The following ARHGAP15 variants were observed in gnomAD, a reference collection of about 807,000 sequenced individuals.
The protein encoded by ARHGAP15 is Rho GTPase activating protein 15.
In ARHGAP15, 51 loss-of-function variants were observed where a neutral mutation model predicts 63.7. That is an observed-to-expected ratio of 0.80 (90% confidence interval 0.64 to 1.01). The LOEUF is 1.01. Among genes scored for constraint, ARHGAP15 ranks in the 50% least tolerant of loss-of-function variants. The pLI, the probability that ARHGAP15 is intolerant of heterozygous loss-of-function variation, is 0.00. For missense variants in ARHGAP15, 560 were observed against 564.6 expected (o/e 0.99, Z 0.08); for synonymous variants, 191 against 193.8 (o/e 0.99, Z 0.12).
intron 2 of ARHGAP15, among the ~76,000 whole-genome samples, chr2:143,201,039 C>A (rs1692095084): frequency 6.6e-6 from 1 of 152,092 alleles, no homozygotes; most frequent in African/African-American, 2.4e-5. Flanking sequence ...TATTTGAGTT[C>A]TCTTCTGGGA....
chr2:143,420,132 G>A (rs1688857143), intron 6 of ARHGAP15, among the ~76,000 whole-genome samples: 4 of 152,080 alleles, frequency 2.6e-5, no homozygotes, highest in African/African-American at 7.2e-5. Context: ...CGGACAATGT[G>A]GGGAAATGCA....
At chr2:143,645,241 A>C (rs1352070041) in intron 12 of ARHGAP15, among the ~76,000 whole-genome samples, 1 of 152,080 alleles carries the variant, frequency 6.6e-6, no homozygotes, top group African/African-American at 2.4e-5. Context: ...AACTCCCTTG[A>C]TTCAAGAAAG....
chr2:143,306,499 C>T (rs890957207), intron 6 of ARHGAP15, among the ~76,000 whole-genome samples: 26 of 152,026 alleles, frequency 1.7e-4, no homozygotes, highest in Admixed American at 1.0e-3. Flanking sequence ...TAATAATAGA[C>T]CTCAGGTGCT....
intron 11 of ARHGAP15, among the ~76,000 whole-genome samples, chr2:143,614,089 A>C (rs551489528): frequency 3.3e-5 from 5 of 152,014 alleles, no homozygotes; most frequent in Admixed American, 2.6e-4. Flanking sequence ...TTCTAGTTGA[A>C]TTTTTCTTCA....
At chr2:143,165,960 GAGAAAGAAAGAAAGAA>G (rs778728158) in intron 2 of ARHGAP15, among the ~76,000 whole-genome samples, 2 of 93,648 alleles carry the variant, frequency 2.1e-5, no homozygotes, top group South Asian at 7.7e-4. Flanking sequence ...GAAAGAAAGA[GAGAAAGAAAGAAAGAA>G]AGAAAGAAAG....
chr2:143,452,422 C>G (rs1326012674), intron 8 of ARHGAP15, among the ~76,000 whole-genome samples: 1 of 151,838 alleles, frequency 6.6e-6, no homozygotes, highest in Non-Finnish European at 1.5e-5. Context: ...GGCCCTCCAA[C>G]CCGAAACATT....
intron 8 of ARHGAP15, among the ~76,000 whole-genome samples, chr2:143,438,826 T>C (rs1446270684): frequency 6.6e-6 from 1 of 152,182 alleles, no homozygotes; most frequent in Non-Finnish European, 1.5e-5. Flanking sequence ...CATTCTGTAG[T>C]ACATATAAAA....
chr2:143,546,260 A>T (rs916885176), intron 10 of ARHGAP15, among the ~76,000 whole-genome samples: 2 of 152,192 alleles, frequency 1.3e-5, no homozygotes, highest in Non-Finnish European at 2.9e-5. Flanking sequence ...ATACGGGTGG[A>T]GGGATTGAAA....
chr2:143,651,111 G>C (rs1214232108), intron 12 of ARHGAP15, among the ~76,000 whole-genome samples: 1 of 151,908 alleles, frequency 6.6e-6, no homozygotes, highest in East Asian at 1.9e-4. Flanking sequence ...GTCTTACCCA[G>C]AATAAAAATC....
chr2:143,409,891 G>T (rs1346083700), intron 6 of ARHGAP15, among the ~76,000 whole-genome samples: 2 of 152,062 alleles, frequency 1.3e-5, no homozygotes, highest in African/African-American at 4.8e-5. Context: ...TTGTGTAATG[G>T]TGCATTTCTC....
intron 13 of ARHGAP15, among the ~76,000 whole-genome samples, chr2:143,709,520 C>A (rs1223087784): frequency 6.6e-6 from 1 of 152,038 alleles, no homozygotes; most frequent in African/African-American, 2.4e-5. Flanking sequence ...AGGAAGTTGT[C>A]CAGCTGTTCA....
intron 6 of ARHGAP15, among the ~76,000 whole-genome samples, chr2:143,341,078 G>T (rs1685036987): frequency 6.6e-6 from 1 of 151,986 alleles, no homozygotes; most frequent in Non-Finnish European, 1.5e-5. Context: ...ATGCAGAGAA[G>T]TCCCTTCCTC....
chr2:143,214,668 G>A (rs1692681350), intron 3 of ARHGAP15, among the ~76,000 whole-genome samples: 1 of 152,142 alleles, frequency 6.6e-6, no homozygotes, highest in African/African-American at 2.4e-5. Flanking sequence ...ATGGAGATAA[G>A]TAAAAAACAC....
At chr2:143,501,112 G>A (rs1432134531) in intron 9 of ARHGAP15, among the ~76,000 whole-genome samples, 1 of 152,200 alleles carries the variant, frequency 6.6e-6, no homozygotes, top group Non-Finnish European at 1.5e-5. Flanking sequence ...AAGAGACTGA[G>A]AAATAAGCCG....
At chr2:143,352,781 C>A (rs1161160116) in intron 6 of ARHGAP15, among the ~76,000 whole-genome samples, 1 of 152,200 alleles carries the variant, frequency 6.6e-6, no homozygotes, top group Admixed American at 6.5e-5. Flanking sequence ...GCATGAAAGG[C>A]ATAGGCAGAT....
At chr2:143,158,995 C>T (rs1690188415) in intron 2 of ARHGAP15, among the ~76,000 whole-genome samples, 1 of 151,872 alleles carries the variant, frequency 6.6e-6, no homozygotes, top group African/African-American at 2.4e-5. Flanking sequence ...CAGGAAACTG[C>T]AGACATATGA....
chr2:143,691,605 C>T (rs72994449), intron 12 of ARHGAP15, among the ~76,000 whole-genome samples: 193 of 152,280 alleles, frequency 1.3e-3, no homozygotes, highest in African/African-American at 4.4e-3. Flanking sequence ...TTTTCAAGTA[C>T]TGTTTCTGCT....
At chr2:143,144,857 C>A (rs1689514857) in intron 1 of ARHGAP15, among the ~76,000 whole-genome samples, 1 of 151,824 alleles carries the variant, frequency 6.6e-6, no homozygotes, top group Non-Finnish European at 1.5e-5. Context: ...AAGAAGACAC[C>A]ATAGTAACAA....
chr2:143,559,020 C>G (rs1382794200), intron 11 of ARHGAP15, among the ~76,000 whole-genome samples: 1 of 152,104 alleles, frequency 6.6e-6, no homozygotes, highest in Non-Finnish European at 1.5e-5. Flanking sequence ...TCAGCGTACC[C>G]CCTCTGTGGG....
Sources: allele counts gnomAD v4.1 joint callset (sites outside exome capture counted in the v4.1 genomes callset), GRCh38; gene constraint gnomAD v4.1.1; transcripts MANE v1.5; gene names NCBI Gene and HGNC (gene_info 2026-07-23, HGNC 2026-07-21).